The following CTU2 variants were observed in gnomAD, a reference collection of about 807,000 sequenced individuals.
CTU2 encodes the protein cytosolic thiouridylase subunit 2.
Under a neutral mutation model 64.1 loss-of-function variants are expected in CTU2, and 80 were observed. That is an observed-to-expected ratio of 1.25 (90% CI 1.04 to 1.50). CTU2 has a LOEUF of 1.50. Ranked by LOEUF, CTU2 falls within the 40% of genes most tolerant of loss-of-function variation. The pLI, the probability that CTU2 is intolerant of heterozygous loss-of-function variation, is 0.00. For synonymous variants in CTU2, 482 were observed against 285.3 expected (o/e 1.69, Z -6.95); for missense variants, 1,110 against 690.2 (o/e 1.61, Z -6.81).
rs773157162 is a variant in CTU2, at chr16:88,710,321, T to C, written c.282+39T>C. 3.7e-6 allele frequency: 6 copies of C among 1,608,658 alleles called. No individual in the cohort carries two copies. The Admixed American group carries it at 1.0e-4, about 27-fold the overall frequency. The stretch of plus-strand genomic sequence containing the variant: ...ACCCCGTGGGCCCGGGCTGCTGGGC[T>C]GAGCTTCAGGCTGGGGGCCTCCCTT... On this transcript the variant is annotated intron_variant, in intron 4 of 14. Coordinates refer to ENST00000453996, the MANE Select transcript of CTU2 (RefSeq NM_001012759.3).
chr16:88,715,119 A>C lies in CTU2; in HGVS notation c.1478+13A>C, dbSNP rs368218844. On this transcript the variant is annotated intron_variant, in intron 14 of 14. Coordinates refer to ENST00000453996, the MANE Select transcript of CTU2 (RefSeq NM_001012759.3). ...TCCGCACACAGAGGTACTGGGGCCC[A>C]CACTGCCGTGGCGCGTGGGTAAGGG... is the stretch of plus-strand genomic sequence containing the variant. 4.4e-6 allele frequency: 7 copies of C among 1,596,982 alleles called. No homozygotes were observed. Among genetic ancestry groups the C allele is most frequent in the South Asian group, 1.1e-5 (1 of 88,744 alleles).
At chr16:88,711,278 G>A (rs1002260514) in intron 4 of CTU2, among the ~76,000 whole-genome samples, 1 of 152,122 alleles carries the variant, frequency 6.6e-6, no homozygotes, top group African/African-American at 2.4e-5. Flanking sequence ...CTGCTTGTGA[G>A]AGCAAGTGCT....
chr16:88,713,529 G>GT, intron 8 of CTU2, 82 bp downstream of exon 8: 6 of 1,483,588 alleles, frequency 4.0e-6, no homozygotes, highest in Middle Eastern at 1.8e-4. Context: ...AGCCTCTCGC[G>GT]TATCAGTCCT....
chr16:88,714,174 C>A lies in CTU2; in HGVS notation c.1044C>A (p.Ala348=). The change falls in exon 10 of 15, where the codon GCC becomes GCA. Residue 348 remains alanine (A), a synonymous_variant. Coordinates refer to ENST00000453996, the MANE Select transcript of CTU2 (RefSeq NM_001012759.3). ...EKASIHRLME[A]FILRLQTQFP... is the part of the protein sequence containing the mutation. ...CCAGCATCCACCGGCTGATGGAGGC[C>A]TTCATCCTCAGGCTGCAGACCCAGT... is the stretch of plus-strand genomic sequence containing the variant. The A allele has an allele frequency of 6.2e-7, 1 of 1,612,718 alleles. No individual in the cohort carries two copies. Among genetic ancestry groups the A allele is most frequent in the Non-Finnish European group, 8.5e-7 (1 of 1,179,906 alleles).
At chr16:88,707,575 T>C (rs981665847) in intron 2 of CTU2, among the ~76,000 whole-genome samples, 1 of 152,152 alleles carries the variant, frequency 6.6e-6, no homozygotes, top group African/African-American at 2.4e-5. Flanking sequence ...TGGCAGATGG[T>C]CTGGGTGAAA....
chr16:88,710,567 C>T (rs559959237), intron 4 of CTU2: 2 of 451,102 alleles, frequency 4.4e-6, no homozygotes, highest in East Asian at 3.9e-5. Flanking sequence ...GATGTGTTTA[C>T]AGCAGGTGCA....
At position 88,714,220 on chromosome 16, in the gene CTU2, G is replaced by A; in HGVS notation, c.1090G>A (p.Val364Met). ...QTQFPSTVST[V>M]YRTSEKLVKG... ...CCAGTTCCCCTCCACTGTCAGCACT[G>A]TGTACAGGTGTGGGTGTGTGTGGGT... Residue 364 changes from valine (V) to methionine (M), a missense_variant, in exon 10 of 15, where the codon GTG becomes ATG. Coordinates refer to ENST00000453996, the MANE Select transcript of CTU2 (RefSeq NM_001012759.3). 6.7e-7 allele frequency: 1 copy of A among 1,502,904 alleles called. No individual in the cohort carries two copies. The allele number at this position is 1,502,904 out of a possible 1,614,324, so 93.1% of individuals were successfully genotyped here. A position where few individuals can be genotyped will look rare whatever the true frequency, so the allele number is the denominator to read the frequency against.
intron 6 of CTU2, 56 bp from the exon 7 acceptor site, chr16:88,712,566 G>T (rs1911418577): frequency 6.3e-7 from 1 of 1,577,734 alleles, no homozygotes; most frequent in African/African-American, 1.3e-5. Context: ...GGGGCTGTCT[G>T]TGGGGGGCAC....
chr16:88,714,782 GA>G, intron 12 of CTU2, 45 bp downstream of exon 12: 1 of 1,607,646 alleles, frequency 6.2e-7, no homozygotes, highest in Non-Finnish European at 8.5e-7. Flanking sequence ...CATGGGGCGG[GA>G]GGGGGACCTG....
chr16:88,713,319 C>A lies in CTU2; in HGVS notation c.745C>A (p.Leu249Met), dbSNP rs1292043307. The A allele has an allele frequency of 6.3e-7, 1 of 1,596,692 alleles. No individual in the cohort carries two copies. The highest frequency in any genetic ancestry group is 2.4e-5 in the East Asian group (1 of 42,322). The change falls in exon 8 of 15, where the codon CTG becomes ATG. Residue 249 changes from leucine (L) to methionine (M), a missense_variant. Transcript: ENST00000453996. ...AGACGCTCTGTGCTTTAGGACCCACCTGATCCTCCACATGGCCCGAGCCCA... is the reference window on the plus strand; with the variant it reads ...AGACGCTCTGTGCTTTAGGACCCACATGATCCTCCACATGGCCCGAGCCCA... ...EELLQTLRTH[L>M]ILHMARAHGY...
chr16:88,711,376 A>T (rs905323081), intron 4 of CTU2, among the ~76,000 whole-genome samples: 1 of 152,092 alleles, frequency 6.6e-6, no homozygotes, highest in Non-Finnish European at 1.5e-5. Context: ...GACATCCAGG[A>T]CCAGCTGGTG....
rs1911219179 is a variant in CTU2 at position 88,710,364 on chromosome 16, C to T, written c.282+82C>T. ...CCTCCCTTCTCAGCCTGCTGAGGGG[C>T]TCTTGGTTGGGGCTAGAGAGCAGTC... is the stretch of plus-strand genomic sequence containing the variant. On this transcript the variant is annotated intron_variant, in intron 4 of 14. Coordinates refer to ENST00000453996, the MANE Select transcript of CTU2 (RefSeq NM_001012759.3). The T allele has an allele frequency of 1.1e-5, 16 of 1,477,306 alleles. No homozygotes were observed. In the East Asian group the frequency reaches 3.4e-4, roughly 31 times the overall value. 91.5% of individuals were successfully genotyped at this position (1,477,306 alleles called of 1,614,324 possible).
rs374457332 is a variant in CTU2, at chr16:88,714,479, C to T, written c.1194C>T (p.Asp398=). Residue 398 remains aspartate, a synonymous_variant, in exon 11 of 15, where the codon GAC becomes GAT. Coordinates refer to ENST00000453996, the MANE Select transcript of CTU2 (RefSeq NM_001012759.3). ...CLLCMCALDV[D]AADSATAFGA... is the part of the protein sequence containing the mutation. Reference sequence around the variant, plus strand: ...TCTGCATGTGTGCCCTGGACGTCGACGCCGCTGGTCTGTGTTTCATGCTCT... The same window carrying T: ...TCTGCATGTGTGCCCTGGACGTCGATGCCGCTGGTCTGTGTTTCATGCTCT... 54 of 1,612,480 alleles carry T rather than the reference C, an allele frequency of 3.3e-5. No individual in the cohort carries two copies. Among genetic ancestry groups the T allele is most frequent in the Middle Eastern group, 3.3e-4 (2 of 6,082 alleles).
intron 2 of CTU2, among the ~76,000 whole-genome samples, chr16:88,708,446 C>T (rs1458948599): frequency 6.6e-6 from 1 of 152,174 alleles, no homozygotes; most frequent in Non-Finnish European, 1.5e-5. Flanking sequence ...TGAATCCCAG[C>T]TGGTGGTGTA....
At chr16:88,709,899 G>A in intron 2 of CTU2, 39 bp from the exon 3 acceptor site, 1 of 1,585,270 alleles carries the variant, frequency 6.3e-7, no homozygotes, top group Non-Finnish European at 8.7e-7. Flanking sequence ...TCACTGTGCG[G>A]GTAGCAGGCG....
At position 88,713,664 on chromosome 16, in the gene CTU2, G is replaced by A; in HGVS notation, c.891G>A (p.Arg297=). ...TCCCGCAGGGCTTCTCGGATGAGCG[G>A]CACGGGGACGTGGTGGTGGTGCGGC... The part of the protein sequence containing the change: ...LAWDTGFSDE[R]HGDVVVVRPM... The change falls in exon 9 of 15, where the codon CGG becomes CGA. Residue 297 remains arginine, a synonymous_variant. Coordinates refer to ENST00000453996, the MANE Select transcript of CTU2 (RefSeq NM_001012759.3). The A allele has an allele frequency of 6.2e-7, 1 of 1,612,490 alleles. No homozygotes were observed. Among genetic ancestry groups the A allele is most frequent in the African/African-American group, 1.3e-5 (1 of 75,048 alleles).
intron 1 of CTU2, 49 bp downstream of exon 1, chr16:88,706,647 G>T (rs1910861303): frequency 2.3e-6 from 3 of 1,301,926 alleles, no homozygotes; most frequent in African/African-American, 3.1e-5. Flanking sequence ...CCTTCCCGCC[G>T]CACTCCTGCC....
intron 2 of CTU2, 131 bp downstream of exon 2, chr16:88,707,341 C>A: frequency 1.2e-6 from 1 of 843,552 alleles, no homozygotes; most frequent in Non-Finnish European, 1.9e-6. Context: ...CTGATGGGGT[C>A]CCTCGTGCCC....
chr16:88,712,801 G>T lies in CTU2; in HGVS notation c.633G>T (p.Gln211His). The change falls in exon 7 of 15, where the codon CAG (glutamine) becomes CAT (histidine). Residue 211 changes from glutamine to histidine, a missense_variant. Gln to His is a conservative substitution (Grantham distance 24). Transcript: ENST00000453996. ...EQPPQPPLDPQNLARPPAPAQ... is the reference protein window; with the variant it reads ...EQPPQPPLDPHNLARPPAPAQ... ...CACCCCAGCCCCCGCTGGACCCCCA[G>T]AACCTGGCAAGACCGCCTGCCCCTG... 1 of 1,607,926 alleles carries T rather than the reference G, an allele frequency of 6.2e-7. No individual in the cohort carries two copies. Among genetic ancestry groups the T allele is most frequent in the Non-Finnish European group, 8.5e-7 (1 of 1,177,828 alleles).
Sources: gnomAD v4.1 joint callset for allele counts (sites outside exome capture counted in the v4.1 genomes callset) on GRCh38, gnomAD v4.1.1 for gene constraint, MANE v1.5 for transcripts, NCBI Gene and HGNC (gene_info 2026-07-23, HGNC 2026-07-21) for gene names.